RCAN1: variants seen among roughly 807,000 people sequenced by gnomAD.
The protein encoded by RCAN1 is regulator of calcineurin 1, also known as calcipressin-1.
Under a neutral mutation model 22.9 loss-of-function variants are expected in RCAN1, and 11 were observed. The observed-to-expected ratio is 0.48, with a 90% confidence interval of 0.30 to 0.79. The LOEUF is 0.79. RCAN1 is among the 30% of genes least tolerant of loss of function. RCAN1 has a pLI of 0.06. For synonymous variants in RCAN1, 136 were observed against 142.3 expected (o/e 0.96, Z 0.32); for missense variants, 291 against 337.8 (o/e 0.86, Z 1.09).
intron 1 of RCAN1, among the ~76,000 whole-genome samples, chr21:34,551,418 A>G (rs550941093): frequency 6.6e-6 from 1 of 152,338 alleles, no homozygotes; most frequent in South Asian, 2.1e-4. Flanking sequence ...GTTTATTTGA[A>G]AATTCCATGG....
intron 1 of RCAN1, among the ~76,000 whole-genome samples, chr21:34,586,724 G>A (rs1199565186): frequency 6.6e-6 from 1 of 152,206 alleles, no homozygotes; most frequent in East Asian, 1.9e-4. Flanking sequence ...AGGCCGAGAT[G>A]GGTGGATCAC....
chr21:34,572,565 C>A (rs1987269869), intron 1 of RCAN1, among the ~76,000 whole-genome samples: 1 of 152,058 alleles, frequency 6.6e-6, no homozygotes, highest in South Asian at 2.1e-4. Context: ...ACAACAACAA[C>A]AAAATAAAAT....
At chr21:34,558,721 A>C (rs138647819) in intron 1 of RCAN1, among the ~76,000 whole-genome samples, 263 of 152,364 alleles carry the variant, frequency 1.7e-3, no homozygotes, top group African/African-American at 6.1e-3. Context: ...TGGTTCTAGG[A>C]GTCTGAAGTC....
chr21:34,580,264 G>A (rs1316308434), intron 1 of RCAN1, among the ~76,000 whole-genome samples: 1 of 152,202 alleles, frequency 6.6e-6, no homozygotes, highest in Non-Finnish European at 1.5e-5. Context: ...AGCCTGGTCA[G>A]CAGTTGCAAC....
chr21:34,521,187 CG>C, intron 3 of RCAN1: 1 of 1,361,482 alleles, frequency 7.3e-7, no homozygotes, highest in Non-Finnish European at 9.4e-7. Flanking sequence ...AACCTGGGGC[CG>C]GGGCTCAGGC....
intron 1 of RCAN1, among the ~76,000 whole-genome samples, chr21:34,544,063 GC>G (rs1986030738): frequency 6.6e-6 from 1 of 152,260 alleles, no homozygotes; most frequent in Admixed American, 6.5e-5. Flanking sequence ...ATAGGTAGGT[GC>G]TTTTCAGACT....
chr21:34,581,442 T>G (rs1024415316), intron 1 of RCAN1, among the ~76,000 whole-genome samples: 4 of 152,174 alleles, frequency 2.6e-5, no homozygotes, highest in Admixed American at 1.3e-4. Context: ...AAAGACCCTT[T>G]CAGTCTGAGG....
At chr21:34,590,964 G>A (rs1009927115) in intron 1 of RCAN1, among the ~76,000 whole-genome samples, 20 of 152,174 alleles carry the variant, frequency 1.3e-4, no homozygotes, top group Non-Finnish European at 2.4e-4. Context: ...TCCTAAGAAG[G>A]GTTTGCTTAT....
intron 1 of RCAN1, among the ~76,000 whole-genome samples, chr21:34,560,367 T>TC (rs1328935948): frequency 2.6e-5 from 4 of 152,260 alleles, no homozygotes; most frequent in Admixed American, 2.6e-4. Context: ...AACCTAGACT[T>TC]CCCTAAGAAT....
chr21:34,530,630 T>TTTG (rs1985339019), intron 1 of RCAN1, among the ~76,000 whole-genome samples: 1 of 95,600 alleles, frequency 1.0e-5, no homozygotes, highest in Non-Finnish European at 2.2e-5. Context: ...TTTTTTTTTT[T>TTTG]TTTTTTTTTT....
rs576309128 is a variant in RCAN1 at position 34,574,968 on chromosome 21, T to TA, written c.252+39791dup. 2.2e-3 allele frequency among the ~76,000 whole-genome samples: 340 copies of TA among 152,328 alleles called. 1 individual carries two copies. Among genetic ancestry groups the TA allele is most frequent in the Non-Finnish European group, 4.0e-3 (275 of 68,036 alleles). On this transcript the variant is annotated intron_variant, in intron 1 of 3. Coordinates refer to ENST00000313806, the MANE Select transcript of RCAN1 (RefSeq NM_004414.7). The stretch of plus-strand genomic sequence containing the variant: ...GGACAATGGTTACGGCATCAAGTGT[T>TA]AATCACCTAAATGTCAACGCATGGC...
intron 1 of RCAN1, among the ~76,000 whole-genome samples, chr21:34,604,114 T>C (rs532698660): frequency 6.6e-6 from 1 of 152,300 alleles, no homozygotes; most frequent in East Asian, 1.9e-4. Context: ...AAGCAGTAAC[T>C]GGACAGAATC....
chr21:34,520,464 G>T (rs543423582), intron 3 of RCAN1, among the ~76,000 whole-genome samples: 1 of 152,316 alleles, frequency 6.6e-6, no homozygotes, highest in South Asian at 2.1e-4. Flanking sequence ...TAAGTAATGT[G>T]AGTCTTGCTT....
chr21:34,532,263 T>C (rs1270753344), intron 1 of RCAN1, among the ~76,000 whole-genome samples: 1 of 151,982 alleles, frequency 6.6e-6, no homozygotes, highest in Non-Finnish European at 1.5e-5. Flanking sequence ...CTTTGCGGGG[T>C]TCTTTGCTAA....
At chr21:34,531,192 C>T (rs778087230) in intron 1 of RCAN1, among the ~76,000 whole-genome samples, 4 of 152,230 alleles carry the variant, frequency 2.6e-5, no homozygotes, top group Admixed American at 1.3e-4. Flanking sequence ...GGCTAAAGCA[C>T]ATCAGTTGCC....
At chr21:34,605,676 C>A (rs75948186) in intron 1 of RCAN1, among the ~76,000 whole-genome samples, 8,795 of 152,080 alleles carry the variant, frequency 0.058, 333 homozygotes, top group East Asian at 0.16. Context: ...AATCCCAGCA[C>A]TTTGGGAGGC....
intron 1 of RCAN1, among the ~76,000 whole-genome samples, chr21:34,572,216 T>C (rs1987258401): frequency 6.6e-6 from 1 of 152,216 alleles, no homozygotes; most frequent in African/African-American, 2.4e-5. Flanking sequence ...TTCCAGGAGA[T>C]GGCTCCCTCT....
chr21:34,549,671 C>G (rs887295824), intron 1 of RCAN1, among the ~76,000 whole-genome samples: 1 of 152,150 alleles, frequency 6.6e-6, no homozygotes, highest in African/African-American at 2.4e-5. Context: ...GCAGCTGTCT[C>G]CAAGATGGAG....
intron 1 of RCAN1, among the ~76,000 whole-genome samples, chr21:34,594,489 T>G (rs1988082618): frequency 6.6e-6 from 1 of 151,960 alleles, no homozygotes; most frequent in Admixed American, 6.6e-5. Context: ...GAGGCGGAGG[T>G]TGCATTGAGC....
Sources: allele counts gnomAD v4.1 joint callset (sites outside exome capture counted in the v4.1 genomes callset), GRCh38; gene constraint gnomAD v4.1.1; transcripts MANE v1.5; gene names NCBI Gene and HGNC (gene_info 2026-07-23, HGNC 2026-07-21).